The following UST variants were observed in gnomAD, a reference collection of about 807,000 sequenced individuals.
The protein encoded by UST is uronyl 2-sulfotransferase, also known as chondroitin sulfate 2-O-sulfotransferase.
A neutral mutation model predicts 45.6 loss-of-function variants in UST; 21 were observed. The ratio of observed to expected loss-of-function variants is 0.46; its 90% CI spans 0.33 to 0.66. The LOEUF (loss-of-function observed/expected upper bound fraction) is 0.66. UST is among the 30% of genes least tolerant of loss of function. The pLI, the probability that UST is intolerant of heterozygous loss-of-function variation, is 0.02. For synonymous variants in UST, 215 were observed against 200.6 expected (o/e 1.07, Z -0.61); for missense variants, 463 against 512.4 (o/e 0.90, Z 0.93).
intron 7 of UST, among the ~76,000 whole-genome samples, chr6:149,073,020 T>C (rs1466737583): frequency 2.0e-5 from 3 of 152,266 alleles, no homozygotes; most frequent in Non-Finnish European, 4.4e-5. Flanking sequence ...GTACACTCTA[T>C]ATATAACATT....
At chr6:148,797,084 C>T (rs1016269162) in intron 1 of UST, among the ~76,000 whole-genome samples, 12 of 152,062 alleles carry the variant, frequency 7.9e-5, no homozygotes, top group African/African-American at 2.4e-4. Flanking sequence ...TGAGCCACCG[C>T]GCCCAACCTT....
chr6:148,907,839 A>G (rs1779393443), intron 2 of UST, among the ~76,000 whole-genome samples: 3 of 150,978 alleles, frequency 2.0e-5, no homozygotes, highest in Admixed American at 2.0e-4. Flanking sequence ...CTGAATTGCT[A>G]ATTTTTATAG....
At chr6:148,978,434 A>G (rs1781065658) in intron 5 of UST, among the ~76,000 whole-genome samples, 1 of 152,168 alleles carries the variant, frequency 6.6e-6, no homozygotes, top group East Asian at 1.9e-4. Flanking sequence ...AATGCCCATC[A>G]GTGACAGACT....
chr6:149,010,913 A>AAAAAAACAAAAAAAAAC (rs1554234080), intron 5 of UST, among the ~76,000 whole-genome samples: 2 of 92,968 alleles, frequency 2.2e-5, no homozygotes, highest in African/African-American at 4.4e-5. Context: ...AAAAAAAAAA[A>AAAAAAACAAAAAAAAAC]AAAAAACTGT....
At chr6:148,944,546 C>T (rs1780196075) in intron 3 of UST, among the ~76,000 whole-genome samples, 1 of 147,888 alleles carries the variant, frequency 6.8e-6, no homozygotes, top group South Asian at 2.2e-4. Flanking sequence ...CACACACACA[C>T]AGAGCTAAAT....
At chr6:148,753,801 A>G (rs1220872520) in intron 1 of UST, among the ~76,000 whole-genome samples, 5 of 152,190 alleles carry the variant, frequency 3.3e-5, no homozygotes, top group Admixed American at 6.5e-5. Flanking sequence ...CCAAGAAAGT[A>G]TGAGAATTCC....
At chr6:148,804,423 T>C (rs1480315718) in intron 1 of UST, among the ~76,000 whole-genome samples, 1 of 152,176 alleles carries the variant, frequency 6.6e-6, no homozygotes. Flanking sequence ...TTATTCCACC[T>C]GCTGTAAGGC....
At chr6:148,916,226 A>G (rs1779587156) in intron 2 of UST, among the ~76,000 whole-genome samples, 1 of 152,208 alleles carries the variant, frequency 6.6e-6, no homozygotes, top group Non-Finnish European at 1.5e-5. Flanking sequence ...ATTACTAGCC[A>G]TTTTACGGAT....
At chr6:148,879,027 G>T (rs577869493) in intron 1 of UST, among the ~76,000 whole-genome samples, 1 of 152,214 alleles carries the variant, frequency 6.6e-6, no homozygotes, top group South Asian at 2.1e-4. Context: ...GGAACAATAT[G>T]TTCTGAAATT....
intron 5 of UST, among the ~76,000 whole-genome samples, chr6:148,985,873 CCAAGATGAG>C (rs1781229945): frequency 6.6e-6 from 1 of 152,074 alleles, no homozygotes; most frequent in Non-Finnish European, 1.5e-5. Flanking sequence ...GATGCAGATA[CCAAGATGAG>C]ATTGGATGTG....
intron 1 of UST, among the ~76,000 whole-genome samples, chr6:148,801,081 G>A (rs1306787341): frequency 1.3e-5 from 2 of 152,140 alleles, no homozygotes; most frequent in Non-Finnish European, 2.9e-5. Context: ...TTGATCAGGA[G>A]TGAAGCTGCC....
At position 148,944,508 on chromosome 6, in the gene UST, TACACACAC is replaced by T. The variant is rs10663979; in HGVS notation, c.447+3106_447+3113del. On this transcript the variant is annotated intron_variant, in intron 3 of 7. Coordinates refer to ENST00000367463, the MANE Select transcript of UST (RefSeq NM_005715.3). ...GCTCTCTGGAGGGTAGTTGTGATCA[TACACACAC>T]ACACACACACACACACACACACACA... Among the ~76,000 whole-genome samples, 711 of 142,636 alleles carry T rather than the reference TACACACAC, an allele frequency of 5.0e-3. 1 individual carries two copies. Among genetic ancestry groups the T allele is most frequent in the Admixed American group, 8.5e-3 (121 of 14,168 alleles). 93.6% of individuals were successfully genotyped at this position (142,636 alleles called of 152,430 possible).
chr6:148,994,192 G>A (rs954525675), intron 5 of UST, among the ~76,000 whole-genome samples: 15 of 151,906 alleles, frequency 9.9e-5, no homozygotes, highest in East Asian at 3.9e-4. Context: ...AGCTGATCTC[G>A]AACTTCTGGC....
intron 1 of UST, among the ~76,000 whole-genome samples, chr6:148,780,222 G>A (rs1776618277): frequency 6.6e-6 from 1 of 151,952 alleles, no homozygotes; most frequent in South Asian, 2.1e-4. Context: ...AATAGTAAAT[G>A]GAAGATTCGT....
intron 5 of UST, chr6:148,990,417 G>A: frequency 1.0e-6 from 1 of 985,346 alleles, no homozygotes; most frequent in Non-Finnish European, 1.2e-6. Flanking sequence ...CAAAGGAGAT[G>A]TTTCATGATA....
intron 2 of UST, among the ~76,000 whole-genome samples, chr6:148,937,436 G>A (rs1328419897): frequency 6.6e-6 from 1 of 152,058 alleles, no homozygotes; most frequent in Non-Finnish European, 1.5e-5. Context: ...ACTATTAGTT[G>A]GAAGCTTGCC....
chr6:148,877,382 GTGTATGAGTGCGGGGGTC>G (rs1778689775), intron 1 of UST, among the ~76,000 whole-genome samples: 1 of 57,708 alleles, frequency 1.7e-5, no homozygotes, highest in Non-Finnish European at 3.0e-5. Context: ...TGGGGGGGTC[GTGTATGAGTGCGGGGGTC>G]GTGTATGAGT....
At chr6:148,946,098 C>A (rs9390643) in intron 3 of UST, among the ~76,000 whole-genome samples, 19,062 of 152,136 alleles carry the variant, frequency 0.13, 1,401 homozygotes, top group African/African-American at 0.18. Flanking sequence ...TGAATGGTGG[C>A]TAGAAAGCAG....
At chr6:148,831,927 A>G (rs973262843) in intron 1 of UST, among the ~76,000 whole-genome samples, 1 of 152,242 alleles carries the variant, frequency 6.6e-6, no homozygotes, top group Non-Finnish European at 1.5e-5. Context: ...GTTAAACTCA[A>G]TTACCCAACC....
Sources: gnomAD v4.1 joint callset for allele counts (sites outside exome capture counted in the v4.1 genomes callset) on GRCh38, gnomAD v4.1.1 for gene constraint, MANE v1.5 for transcripts, NCBI Gene and HGNC (gene_info 2026-07-23, HGNC 2026-07-21) for gene names.